The following SPAG17 variants were observed in gnomAD, a reference collection of about 807,000 sequenced individuals.
SPAG17 encodes the protein sperm-associated antigen 17.
A neutral mutation model predicts 273.6 loss-of-function variants in SPAG17; 169 were observed. That is an observed-to-expected ratio of 0.62 (90% confidence interval 0.55 to 0.70). The LOEUF (loss-of-function observed/expected upper bound fraction) is 0.70. Ranked by LOEUF, SPAG17 falls within the 30% of genes least tolerant of loss-of-function variation. The pLI is 0.00. For missense variants in SPAG17, 2,557 were observed against 2,627.8 expected, an observed-to-expected ratio of 0.97 and a Z score of 0.59; for synonymous variants, 825 against 873.2, an observed-to-expected ratio of 0.94 and a Z score of 0.97.
chr1:118,104,634 G>C lies in SPAG17; in HGVS notation c.448-2708C>G, dbSNP rs149792549. The stretch of plus-strand genomic sequence containing the variant: ...CCAATGGGTATAGGGAGAGATGCCA[G>C]CAGAAAGAGACAGCGAAGTGGATAA... On this transcript the variant is annotated intron_variant, in intron 4 of 48. Transcript: ENST00000336338. Among the ~76,000 whole-genome samples the C allele has an allele frequency of 2.5e-3, 380 of 152,296 alleles. 5 individuals carry two copies. Among genetic ancestry groups the C allele is most frequent in the African/African-American group, 8.8e-3 (365 of 41,556 alleles).
intron 7 of SPAG17, among the ~76,000 whole-genome samples, chr1:118,096,465 C>T (rs2102205709): frequency 6.6e-6 from 1 of 152,186 alleles, no homozygotes; most frequent in Admixed American, 6.5e-5. Flanking sequence ...TGGTCCTTCC[C>T]TAGGACTTTG....
chr1:118,093,320 A>G lies in SPAG17; in HGVS notation c.1012-3T>C. 1.2e-6 allele frequency: 2 copies of G among 1,601,966 alleles called. No individual in the cohort carries two copies. Among genetic ancestry groups the G allele is most frequent in the Non-Finnish European group, 1.7e-6 (2 of 1,173,316 alleles). On this transcript the variant is annotated splice_polypyrimidine_tract_variant and splice_region_variant and intron_variant, in intron 7 of 48. Coordinates refer to ENST00000336338, the MANE Select transcript of SPAG17 (RefSeq NM_206996.4). Reference sequence around the variant, plus strand: ...AAAATATCAGTGCCCAATTTCAGCTACAAGTGAGAGATTTAATGGCAATTG... The same window carrying G: ...AAAATATCAGTGCCCAATTTCAGCTGCAAGTGAGAGATTTAATGGCAATTG...
intron 18 of SPAG17, among the ~76,000 whole-genome samples, chr1:118,065,838 A>T (rs1051453122): frequency 6.6e-6 from 1 of 152,104 alleles, no homozygotes; most frequent in Admixed American, 6.5e-5. Flanking sequence ...AAAAAAAAAA[A>T]TTTAATTGTT....
At position 118,081,665 on chromosome 1, in the gene SPAG17, C is replaced by A. The variant is rs761157549; in HGVS notation, c.1763-23G>T. The A allele has an allele frequency of 3.1e-6, 5 of 1,595,842 alleles. No individual in the cohort carries two copies. In the South Asian group the frequency reaches 5.5e-5, roughly 18 times the overall value. On this transcript the variant is annotated intron_variant, in intron 13 of 48. Transcript: ENST00000336338. ...CATCTGTAAGAAAGCAGAACCAGTG[C>A]TGCTGGAAATGTTCTTATTAGCACA...
chr1:117,965,004 A>G (rs1466868563), intron 47 of SPAG17: 1 of 152,220 alleles, frequency 6.6e-6, no homozygotes, highest in Non-Finnish European at 1.5e-5. Flanking sequence ...GCCTACAAAC[A>G]TGTAGGTCTA....
At chr1:118,054,139 T>G in intron 19 of SPAG17, 46 bp from the exon 20 acceptor site, 1 of 1,311,282 alleles carries the variant, frequency 7.6e-7, no homozygotes. Context: ...TTAAATAAGA[T>G]ATCATAGAAG....
intron 3 of SPAG17, among the ~76,000 whole-genome samples, chr1:118,145,941 T>G (rs907892247): frequency 6.6e-6 from 1 of 151,980 alleles, no homozygotes; most frequent in African/African-American, 2.4e-5. Flanking sequence ...GCGTCTTTTA[T>G]AAATAAGTCA....
rs112042511 is a variant in SPAG17, at chr1:118,156,391, C to T, written c.88-5022G>A. ...TTTGGATCCTGAGATGGTTTTGACC[C>T]TCAAATCATAAAGTGCTAGAATGTA... On this transcript the variant is annotated intron_variant, in intron 1 of 48. Coordinates refer to ENST00000336338, the MANE Select transcript of SPAG17 (RefSeq NM_206996.4). 3.0e-3 allele frequency among the ~76,000 whole-genome samples: 453 copies of T among 152,244 alleles called. 1 individual carries two copies. The highest frequency in any genetic ancestry group is 0.01 in the African/African-American group (433 of 41,536).
chr1:118,001,988 C>A (rs891597740), intron 32 of SPAG17, among the ~76,000 whole-genome samples: 3 of 152,332 alleles, frequency 2.0e-5, no homozygotes, highest in Non-Finnish European at 4.4e-5. Flanking sequence ...CTACACACTG[C>A]TTTAAATGTG....
intron 48 of SPAG17, chr1:117,962,546 G>GAAAAAAAAAAAAA (rs35094302): frequency 8.3e-6 from 1 of 120,656 alleles, no homozygotes. Flanking sequence ...AGACTCCATT[G>GAAAAAAAAAAAAA]AAAAAAAAAA....
At position 117,963,818 on chromosome 1, in the gene SPAG17, C is replaced by T. The variant is rs112012491; in HGVS notation, c.6653G>A (p.Arg2218His). Reference sequence around the variant, plus strand: ...CTGTACCTAATGTGGAGAAACTTTACGAGACATGAAGACTCCAAGTGTGGA... The same window carrying T: ...CTGTACCTAATGTGGAGAAACTTTATGAGACATGAAGACTCCAAGTGTGGA... ...YSSTLGVFMS[R>H]KVSPH The change falls in exon 48 of 49, where the codon CGT becomes CAT. Residue 2218 changes from arginine (R) to histidine (H), a missense_variant. By Grantham distance (29) the Arg-to-His change is conservative. Coordinates refer to ENST00000336338, the MANE Select transcript of SPAG17 (RefSeq NM_206996.4). 3.3e-3 allele frequency: 5,328 copies of T among 1,612,268 alleles called. 33 individuals are homozygous for T. The highest frequency in any genetic ancestry group is 0.015 in the South Asian group (1,379 of 90,828).
At chr1:118,134,595 C>A (rs1658236507) in intron 3 of SPAG17, among the ~76,000 whole-genome samples, 1 of 152,188 alleles carries the variant, frequency 6.6e-6, no homozygotes, top group South Asian at 2.1e-4. Flanking sequence ...GTGGTTCTAA[C>A]ATCTTTGCCT....
At chr1:118,138,357 G>C (rs1395267161) in intron 3 of SPAG17, among the ~76,000 whole-genome samples, 3 of 152,190 alleles carry the variant, frequency 2.0e-5, no homozygotes, top group Non-Finnish European at 4.4e-5. Flanking sequence ...TGTCTGCTGG[G>C]TGAGGAAAGA....
chr1:118,023,241 C>T, intron 28 of SPAG17, 63 bp downstream of exon 28: 4 of 1,224,624 alleles, frequency 3.3e-6, no homozygotes, highest in Non-Finnish European at 3.4e-6. Context: ...TAATATTGAA[C>T]ACTTATTAAG....
intron 4 of SPAG17, among the ~76,000 whole-genome samples, chr1:118,103,141 T>C (rs1656178179): frequency 6.6e-6 from 1 of 152,086 alleles, no homozygotes; most frequent in Non-Finnish European, 1.5e-5. Flanking sequence ...ATTAACTCCT[T>C]TGAAGAGCTA....
At chr1:117,991,394 G>A in intron 37 of SPAG17, 21 bp downstream of exon 37, 1 of 1,385,856 alleles carries the variant, frequency 7.2e-7, no homozygotes, top group Non-Finnish European at 1.0e-6. Flanking sequence ...AAGAACATGG[G>A]TATACAAGGC....
rs150619337 is a variant in SPAG17 at position 118,028,213 on chromosome 1, TC to T, written c.3730+60del. 2,112 of 1,548,274 alleles carry T rather than the reference TC, an allele frequency of 1.4e-3. 25 individuals are homozygous for T. The African/African-American group carries it at 0.026, about 19-fold the overall frequency. ...TTAACTGGCATGAAAATACACAATT[TC>T]CTGTTTTCTACGTGACATTTTGCTC... On this transcript the variant is annotated intron_variant, in intron 26 of 48. Coordinates refer to ENST00000336338, the MANE Select transcript of SPAG17 (RefSeq NM_206996.4).
intron 26 of SPAG17, among the ~76,000 whole-genome samples, chr1:118,025,880 T>C (rs1647686259): frequency 6.6e-6 from 1 of 152,190 alleles, no homozygotes; most frequent in Admixed American, 6.5e-5. Context: ...TTTGATGACC[T>C]TGTTACATTC....
chr1:117,957,395 G>GA (rs1470381124), intron 48 of SPAG17, among the ~76,000 whole-genome samples: 2 of 152,110 alleles, frequency 1.3e-5, no homozygotes, highest in African/African-American at 4.8e-5. Flanking sequence ...CAAGCAATCA[G>GA]TCTTGCCTTT....
Sources: gnomAD v4.1 joint callset for allele counts (sites outside exome capture counted in the v4.1 genomes callset) on GRCh38, gnomAD v4.1.1 for gene constraint, MANE v1.5 for transcripts, NCBI Gene and HGNC (gene_info 2026-07-23, HGNC 2026-07-21) for gene names.